The following DPH1 variants were observed in gnomAD, a reference collection of about 807,000 sequenced individuals.
The protein encoded by DPH1 is 2-(3-amino-3-carboxypropyl)histidine synthase subunit 1.
Under a neutral mutation model 55.3 loss-of-function variants are expected in DPH1, and 59 were observed. The observed-to-expected ratio is 1.07, with a 90% CI of 0.87 to 1.33. The LOEUF (loss-of-function observed/expected upper bound fraction) is 1.33. DPH1 is among the 40% of genes most tolerant of loss of function. DPH1 has a pLI of 0.00. For missense variants in DPH1, 628 were observed against 584.8 expected (o/e 1.07, Z -0.76); for synonymous variants, 238 against 235.5 (o/e 1.01, Z -0.10).
intron 12 of DPH1, chr17:2,042,154 G>A (rs2067545897): frequency 2.0e-6 from 3 of 1,507,698 alleles, no homozygotes; most frequent in East Asian, 2.6e-5. Context: ...CTGCGGGGTC[G>A]CGCCGAGCTC....
In DPH1 at chr17:2,036,517, TC is replaced by T; in HGVS notation, c.401-9del. ...CCTTCCCAAACAGCCCCTGAACTCCTCCCTCCCACAGTTCCCATGGACACCT... is the reference window on the plus strand; with the variant it reads ...CCTTCCCAAACAGCCCCTGAACTCCTCCTCCCACAGTTCCCATGGACACCT... On this transcript the variant is annotated splice_polypyrimidine_tract_variant and intron_variant, in intron 4 of 12. Transcript: ENST00000263083. This position sits in a 1 kb window ranked among gnomAD's most constrained non-coding sequence, Gnocchi z 4.8. 6.2e-7 allele frequency: 1 copy of T among 1,613,438 alleles called. No homozygotes were observed. Among genetic ancestry groups the T allele is most frequent in the Non-Finnish European group, 8.5e-7 (1 of 1,179,672 alleles).
chr17:2,040,915 G>C, intron 9 of DPH1, 188 bp from the exon 10 acceptor site: 1 of 677,318 alleles, frequency 1.5e-6, no homozygotes, highest in Non-Finnish European at 2.5e-6. Flanking sequence ...GCTCATTGTC[G>C]GCAGAGGAAA....
intron 12 of DPH1, 54 bp downstream of exon 12, chr17:2,041,929 C>T: frequency 7.2e-6 from 11 of 1,533,794 alleles, no homozygotes; most frequent in Non-Finnish European, 9.6e-6. Context: ...CATGGGAACG[C>T]CTTGGCGCTC....
At position 2,036,921 on chromosome 17, in the gene DPH1, A is replaced by G. The variant is rs2067436383; in HGVS notation, c.645A>G (p.Thr215=). The G allele has an allele frequency of 3.7e-6, 6 of 1,613,874 alleles. No individual in the cohort carries two copies. The South Asian group carries it at 5.5e-5, about 15-fold the overall frequency. Residue 215 remains threonine (T), a synonymous_variant, in exon 6 of 13, where the codon ACA becomes ACG. Coordinates refer to ENST00000263083, the MANE Select transcript of DPH1 (RefSeq NM_001383.6). The surrounding 1 kb of genome is among the most constrained non-coding windows in gnomAD (Gnocchi z 4.8). The stretch of plus-strand genomic sequence containing the variant: ...CCCCTGGAGAGATCCTGGGCTGCAC[A>G]TCCCCCCGACTGTCCAAAGAGGTGG... ...PLSPGEILGC[T]SPRLSKEVEA...
At chr17:2,035,539 C>CGGACGAGAGGGCCCTGCCTG (rs1488870547) in intron 3 of DPH1, among the ~76,000 whole-genome samples, 1 of 150,636 alleles carries the variant, frequency 6.6e-6, no homozygotes, top group Admixed American at 6.6e-5. Context: ...AGTGGGGGTC[C>CGGACGAGAGGGCCCTGCCTG]CGGCAAGAGG....
In DPH1 at chr17:2,030,181, G is replaced by A. The variant is rs1321979471; in HGVS notation, c.12G>A (p.Leu4=). The change falls in exon 1 of 13, where the codon CTG becomes CTA. Residue 4 remains leucine (L), a synonymous_variant. Coordinates refer to ENST00000263083, the MANE Select transcript of DPH1 (RefSeq NM_001383.6). The part of the protein sequence containing the change: MAA[L]VVSGAAEQGG... ...TGCGCAGGCAGGTGATGGCGGCGCT[G>A]GTCGTATCCGGGGCAGCGGAGCAGG... is the stretch of plus-strand genomic sequence containing the variant. 1 of 1,603,064 alleles carries A rather than the reference G, an allele frequency of 6.2e-7. No individual in the cohort carries two copies. Among genetic ancestry groups the A allele is most frequent in the South Asian group, 1.1e-5 (1 of 88,776 alleles).
At position 2,036,676 on chromosome 17, in the gene DPH1, C is replaced by A; in HGVS notation, c.548C>A (p.Ser183Ter). The change falls in exon 5 of 13, where the codon TCG becomes TAG. Residue 183 changes from serine to a stop codon, truncating the protein, a stop_gained. Coordinates refer to ENST00000263083, the MANE Select transcript of DPH1 (RefSeq NM_001383.6). LOFTEE classifies it high-confidence loss of function. This position sits in a 1 kb window ranked among gnomAD's most constrained non-coding sequence, Gnocchi z 4.8. ...CTGGTCAGCACCATTCAGTTTGTGTCGACCTTGCAGGTGGGTGGAACGAGG... is the reference window on the plus strand; with the variant it reads ...CTGGTCAGCACCATTCAGTTTGTGTAGACCTTGCAGGTGGGTGGAACGAGG... ...LALVSTIQFV[S>*]TLQAAAQELK... 1.9e-6 allele frequency: 3 copies of A among 1,614,102 alleles called. No homozygotes were observed. Among genetic ancestry groups the A allele is most frequent in the African/African-American group, 1.3e-5 (1 of 75,048 alleles).
At chr17:2,042,474 ATTT>A (rs1297854802) in intron 12 of DPH1, 128 bp from the exon 13 acceptor site, 1 of 1,345,242 alleles carries the variant, frequency 7.4e-7, no homozygotes, top group African/African-American at 1.5e-5. Flanking sequence ...CCCCCCTCTC[ATTT>A]CCCCCAGACT....
intron 3 of DPH1, 87 bp from the exon 4 acceptor site, chr17:2,035,883 G>A: frequency 6.4e-7 from 1 of 1,567,592 alleles, no homozygotes. Flanking sequence ...AGAGGAGCTG[G>A]GCCCTGAGAC....
At position 2,042,765 on chromosome 17, in the gene DPH1, T is replaced by A; in HGVS notation, c.*179T>A. The A allele has an allele frequency of 1.2e-6, 2 of 1,608,696 alleles. No homozygotes were observed. The highest frequency in any genetic ancestry group is 3.3e-4 in the Middle Eastern group (2 of 6,018). ...ACAGGCTGGGGCCTTTTGACGGCCT[T>A]CTTGGTTTCAGCCAAGGGGCTGCGC... On this transcript the variant is annotated 3_prime_UTR_variant, in exon 13 of 13. Transcript: ENST00000263083.
At chr17:2,040,721 T>C in intron 9 of DPH1, 116 bp downstream of exon 9, 1 of 1,227,580 alleles carries the variant, frequency 8.1e-7, no homozygotes, top group African/African-American at 1.5e-5. Context: ...AATTTTACTG[T>C]TTACAGAGAC....
intron 8 of DPH1, 42 bp from the exon 9 acceptor site, chr17:2,040,463 G>A (rs770042759): frequency 2.5e-5 from 40 of 1,613,772 alleles, no homozygotes; most frequent in Middle Eastern, 1.6e-4. Flanking sequence ...AGCTTTGGCT[G>A]CTTGACCAGG....
rs372733284 is a variant in DPH1 at position 2,033,769 on chromosome 17, C to T, written c.215-10C>T. On this transcript the variant is annotated splice_polypyrimidine_tract_variant and intron_variant, in intron 2 of 12. Transcript: ENST00000263083. ...GCCCTCCACCTCTCATGTCTCTGCTCGTCTTGCAGTGGCCTTGCAAATGCC... is the reference window on the plus strand; with the variant it reads ...GCCCTCCACCTCTCATGTCTCTGCTTGTCTTGCAGTGGCCTTGCAAATGCC... 18 of 1,614,082 alleles carry T rather than the reference C, an allele frequency of 1.1e-5. No individual in the cohort carries two copies. The highest frequency in any genetic ancestry group is 8.9e-5 in the East Asian group (4 of 44,902).
At chr17:2,040,074 G>A in intron 7 of DPH1, 144 bp from the exon 8 acceptor site, 12 of 1,242,968 alleles carry the variant, frequency 9.7e-6, no homozygotes, top group Non-Finnish European at 1.0e-5. Flanking sequence ...TCTTCCTAAT[G>A]ACAGTCCCCG....
chr17:2,032,243 T>G (rs554101628), intron 1 of DPH1, among the ~76,000 whole-genome samples: 1 of 152,254 alleles, frequency 6.6e-6, no homozygotes, highest in Admixed American at 6.5e-5. Context: ...CCAGGCTGGC[T>G]GGGCTGGCTA....
Position 2,042,736 on chromosome 17 carries a change from C to A in DPH1, c.*150C>A, listed in dbSNP as rs1482161454. 6.3e-7 allele frequency: 1 copy of A among 1,586,446 alleles called. No homozygotes were observed. The highest frequency in any genetic ancestry group is 2.2e-5 in the East Asian group (1 of 44,652). ...ATCACTGGGGATGGTGGCACAGGCA[C>A]TGAACAGGCTGGGGCCTTTTGACGG... On this transcript the variant is annotated 3_prime_UTR_variant, in exon 13 of 13. Coordinates refer to ENST00000263083, the MANE Select transcript of DPH1 (RefSeq NM_001383.6).
At position 2,033,587 on chromosome 17, in the gene DPH1, C is replaced by A. The variant is rs1271710913; in HGVS notation, c.144C>A (p.Val48=). 1 of 1,614,120 alleles carries A rather than the reference C, an allele frequency of 6.2e-7. No homozygotes were observed. The highest frequency in any genetic ancestry group is 8.5e-7 in the Non-Finnish European group (1 of 1,180,056). Residue 48 remains valine, a synonymous_variant, in exon 2 of 13, where the codon GTC becomes GTA. Transcript: ENST00000263083. ...KNPQLQAAIR[V]LPSNYNFEIP... is the part of the protein sequence containing the mutation. ...CTCAGCTGCAGGCAGCAATCCGGGT[C>A]CTGCCTTCCAACTACAACTTTGAGA...
At chr17:2,035,850 G>A (rs565726173) in intron 3 of DPH1, 120 bp from the exon 4 acceptor site, 214 of 1,456,990 alleles carry the variant, frequency 1.5e-4, no homozygotes, top group Middle Eastern at 3.7e-4. Context: ...CTGCCATCCC[G>A]AGGAACTGGG....
chr17:2,043,130 A>G lies in DPH1; in HGVS notation c.*544A>G. 6.2e-7 allele frequency: 1 copy of G among 1,604,548 alleles called. No homozygotes were observed. The highest frequency in any genetic ancestry group is 8.5e-7 in the Non-Finnish European group (1 of 1,175,596). ...AAGATCAAGAAATGTCTCTGCTCCTACATCCAGCTCCTCTAGGGGCAGCCT... is the reference window on the plus strand; with the variant it reads ...AAGATCAAGAAATGTCTCTGCTCCTGCATCCAGCTCCTCTAGGGGCAGCCT... On this transcript the variant is annotated 3_prime_UTR_variant, in exon 13 of 13. Coordinates refer to ENST00000263083, the MANE Select transcript of DPH1 (RefSeq NM_001383.6).
Sources: gnomAD v4.1 joint callset for allele counts (sites outside exome capture counted in the v4.1 genomes callset) on GRCh38, gnomAD v4.1.1 for gene constraint, Gnocchi (gnomAD v3.1) non-coding constraint, MANE v1.5 for transcripts, NCBI Gene and HGNC (gene_info 2026-07-23, HGNC 2026-07-21) for gene names.